CEP290: variants seen among roughly 807,000 people sequenced by gnomAD.
CEP290 encodes centrosomal protein 290.
Under a neutral mutation model 344.9 loss-of-function variants are expected in CEP290, and 317 were observed. The ratio of observed to expected loss-of-function variants is 0.92; its 90% CI spans 0.84 to 1.01. The LOEUF (loss-of-function observed/expected upper bound fraction) is 1.01, where lower values mean the gene tolerates loss of function less well. Ranked by LOEUF, CEP290 falls within the 50% of genes least tolerant of loss-of-function variation. The probability of loss-of-function intolerance (pLI) is 0.00; values close to 1 mark genes in which losing one functional copy is unlikely to be tolerated. For synonymous variants in CEP290, 932 were observed against 895.8 expected (o/e 1.04, Z -0.72); for missense variants, 2,754 against 2,761.4 (o/e 1.00, Z 0.06).
chr12:88,053,277 AT>A (rs1446825570), intron 52 of CEP290, among the ~76,000 whole-genome samples: 3 of 152,188 alleles, frequency 2.0e-5, no homozygotes, highest in Non-Finnish European at 4.4e-5. Flanking sequence ...ACGGAAAAAA[AT>A]ATAGGCAGTA....
chr12:88,061,683 A>T (rs1176523878), intron 46 of CEP290, among the ~76,000 whole-genome samples: 1 of 152,200 alleles, frequency 6.6e-6, no homozygotes, highest in African/African-American at 2.4e-5. Context: ...ATGCACTTTC[A>T]TAATTAACTT....
chr12:88,115,979 C>G, intron 18 of CEP290: 2 of 984,822 alleles, frequency 2.0e-6, no homozygotes, highest in Non-Finnish European at 2.4e-6. Context: ...GGGAATGAAC[C>G]TGTTCTTCTT....
At position 88,115,162 on chromosome 12, in the gene CEP290, T is replaced by C; in HGVS notation, c.1845A>G (p.Glu615=). The C allele has an allele frequency of 1.3e-6, 2 of 1,487,906 alleles. No homozygotes were observed. Among genetic ancestry groups the C allele is most frequent in the South Asian group, 1.3e-5 (1 of 79,746 alleles). 92.2% of individuals were successfully genotyped at this position (1,487,906 alleles called of 1,614,324 possible). ...CTAAATCTCTTTCTTTTTCAATTAG[T>C]TCTCTTGAAAGAAATTCATTCTGAA... ...AQSKNEFLSR[E]LIEKERDLER... is the part of the protein sequence containing the mutation. The change falls in exon 19 of 54, where the codon GAA becomes GAG. Residue 615 remains glutamate (E), a synonymous_variant. Transcript: ENST00000552810.
chr12:88,117,221 C>T (rs2039109140), intron 17 of CEP290, 76 bp from the exon 18 acceptor site: 2 of 710,776 alleles, frequency 2.8e-6, no homozygotes, highest in South Asian at 2.1e-5. Flanking sequence ...ATTCTTAAAA[C>T]CTACAATCAA....
rs558660708 is a variant in CEP290, at chr12:88,100,040, G to A, written c.2991+2798C>T. On this transcript the variant is annotated intron_variant, in intron 26 of 53. Coordinates refer to ENST00000552810, the MANE Select transcript of CEP290 (RefSeq NM_025114.4). Reference sequence around the variant, plus strand: ...CATGCCTGTAATCCCAGCACTTTGGGAAGTTGAGGCTGGCGGATTACCTGA... The same window carrying A: ...CATGCCTGTAATCCCAGCACTTTGGAAAGTTGAGGCTGGCGGATTACCTGA... 1.3e-4 allele frequency among the ~76,000 whole-genome samples: 19 copies of A among 151,692 alleles called. No homozygotes were observed. The South Asian group carries it at 3.3e-3, about 27-fold the overall frequency.
At chr12:88,119,710 A>T (rs1293129473) in intron 15 of CEP290, among the ~76,000 whole-genome samples, 1 of 152,178 alleles carries the variant, frequency 6.6e-6, no homozygotes, top group East Asian at 1.9e-4. Context: ...GAGGCAGGAG[A>T]ATCACAACAC....
intron 6 of CEP290, among the ~76,000 whole-genome samples, chr12:88,133,313 C>G (rs534541307): frequency 9.9e-5 from 15 of 152,184 alleles, no homozygotes; most frequent in Admixed American, 8.5e-4. Flanking sequence ...TCTTGAACTC[C>G]TGACCTCAAG....
At chr12:88,133,190 C>T (rs2040179390) in intron 6 of CEP290, among the ~76,000 whole-genome samples, 1 of 151,770 alleles carries the variant, frequency 6.6e-6, no homozygotes, top group African/African-American at 2.4e-5. Flanking sequence ...ATTCTCCTGC[C>T]TCAGCCTCCC....
chr12:88,105,076 C>G (rs1439143807), intron 25 of CEP290, among the ~76,000 whole-genome samples: 1 of 152,148 alleles, frequency 6.6e-6, no homozygotes, highest in Admixed American at 6.5e-5. Flanking sequence ...TTTTTGGTAT[C>G]TAAATGCCTT....
At chr12:88,059,637 G>T (rs1451345643) in intron 48 of CEP290, among the ~76,000 whole-genome samples, 6 of 152,146 alleles carry the variant, frequency 3.9e-5, no homozygotes, top group African/African-American at 1.4e-4. Context: ...TCGATCTCCT[G>T]ACCTCGTGAT....
In CEP290 at chr12:88,062,793, G is replaced by A. The variant is rs764251517; in HGVS notation, c.6271-15C>T. ...CTGACTTGATTCTGAAAGATAACAA[G>A]CAAACATGTAATAATTTAACATAGC... On this transcript the variant is annotated splice_polypyrimidine_tract_variant and intron_variant, in intron 45 of 53. Coordinates refer to ENST00000552810, the MANE Select transcript of CEP290 (RefSeq NM_025114.4). 103 of 1,477,494 alleles carry A rather than the reference G, an allele frequency of 7.0e-5. No individual in the cohort carries two copies. Among genetic ancestry groups the A allele is most frequent in the Non-Finnish European group, 9.2e-5 (99 of 1,074,980 alleles). 91.5% of individuals were successfully genotyped at this position (1,477,494 alleles called of 1,614,324 possible). A position where few individuals can be genotyped will look rare whatever the true frequency, so the allele number is the denominator to read the frequency against.
intron 5 of CEP290, among the ~76,000 whole-genome samples, chr12:88,138,725 C>A (rs1052172177): frequency 1.3e-5 from 2 of 152,222 alleles, no homozygotes; most frequent in East Asian, 3.8e-4. Flanking sequence ...CTTTCAAAGG[C>A]TGATCCATTT....
intron 27 of CEP290, 38 bp from the exon 28 acceptor site, chr12:88,094,013 T>C: frequency 6.9e-7 from 1 of 1,443,402 alleles, no homozygotes; most frequent in Non-Finnish European, 9.4e-7. Context: ...TCATGCTGTT[T>C]ATATTAAAAT....
In CEP290 at chr12:88,053,578, CA is replaced by C. The variant is rs372674637; in HGVS notation, c.7129+73del. On this transcript the variant is annotated intron_variant, in intron 52 of 53. Transcript: ENST00000552810. ...GGAGACAATGATCAGAAATCTGAGC[CA>C]AAAAAAAAAAAAAAAGGCAAACCCA... 0.23 allele frequency: 124,628 copies of C among 544,602 alleles called. 35 individuals carry two copies. The highest frequency in any genetic ancestry group is 0.26 in the East Asian group (8,006 of 30,828). The allele number at this position is 544,602 out of a possible 1,614,324, so 33.7% of individuals were successfully genotyped here.
At chr12:88,138,383 G>T (rs2040457122) in intron 5 of CEP290, among the ~76,000 whole-genome samples, 1 of 152,140 alleles carries the variant, frequency 6.6e-6, no homozygotes, top group Admixed American at 6.5e-5. Context: ...AAAGTGCTTG[G>T]CATTTTCCCA....
At position 88,060,830 on chromosome 12, in the gene CEP290, C is replaced by A; in HGVS notation, c.6522G>T (p.Lys2174Asn). 6.6e-7 allele frequency: 1 copy of A among 1,508,370 alleles called. No individual in the cohort carries two copies. Among genetic ancestry groups the A allele is most frequent in the Non-Finnish European group, 8.8e-7 (1 of 1,131,856 alleles). 93.4% of individuals were successfully genotyped at this position (1,508,370 alleles called of 1,614,324 possible). ...ANIEQENEKL[K>N]AELEKLKAHL... ...AAATGATCACATTAAAAAAAATTAC[C>A]TTCAATTTTTCATTTTCCTGCTCAA... is the stretch of plus-strand genomic sequence containing the variant. The change falls in exon 47 of 54, where the codon AAG becomes AAT. Residue 2174 changes from lysine to asparagine, a missense_variant and splice_region_variant. By Grantham distance (94) the Lys-to-Asn change is moderately conservative. Transcript: ENST00000552810.
rs1354895055 is a variant in CEP290, at chr12:88,054,640, T to C, written c.6961-227A>G. 1.3e-5 allele frequency among the ~76,000 whole-genome samples: 2 copies of C among 152,154 alleles called. 1 individual carries two copies. Among genetic ancestry groups the C allele is most frequent in the Admixed American group, 1.3e-4 (2 of 15,268 alleles). The stretch of plus-strand genomic sequence containing the variant: ...CTAACAGCAGTGAACAAAATGGCAA[T>C]GTTCCATCTTGCATGGTCCTTGTTT... On this transcript the variant is annotated intron_variant, in intron 50 of 53. Transcript: ENST00000552810.
In CEP290 at chr12:88,100,197, G is replaced by C. The variant is rs74624277; in HGVS notation, c.2991+2641C>G. The stretch of plus-strand genomic sequence containing the variant: ...AAGCAGAAGAATCGCTTGAACCTGG[G>C]AGGCAGAGGTTGCAGTAAGCCAAGA... On this transcript the variant is annotated intron_variant, in intron 26 of 53. Coordinates refer to ENST00000552810, the MANE Select transcript of CEP290 (RefSeq NM_025114.4). 2.2e-3 allele frequency among the ~76,000 whole-genome samples: 337 copies of C among 151,644 alleles called. 11 individuals carry two copies. The East Asian group carries it at 0.059, about 26-fold the overall frequency.
intron 27 of CEP290, among the ~76,000 whole-genome samples, chr12:88,094,453 A>G (rs529608275): frequency 7.2e-5 from 11 of 152,256 alleles, no homozygotes; most frequent in African/African-American, 2.6e-4. Context: ...AGATTCTACC[A>G]AATATAATCT....
Sources: allele counts gnomAD v4.1 joint callset (sites outside exome capture counted in the v4.1 genomes callset), GRCh38; gene constraint gnomAD v4.1.1; transcripts MANE v1.5; gene names NCBI Gene and HGNC (gene_info 2026-07-23, HGNC 2026-07-21).